Variants in ZFHX3 observed in about 807,000 individuals in gnomAD.
ZFHX3 encodes zinc finger homeobox protein 3.
ZFHX3 carries 42 observed loss-of-function variants against 279.1 expected under a neutral mutation model. The ratio of observed to expected loss-of-function variants is 0.15; its 90% confidence interval spans 0.12 to 0.19. ZFHX3 has a LOEUF of 0.19. ZFHX3 is among the 10% of genes least tolerant of loss of function. The pLI, the probability that ZFHX3 is intolerant of heterozygous loss-of-function variation, is 1.00. For missense variants in ZFHX3, 4,981 were observed against 4,754.0 expected (o/e 1.05, Z -1.40); for synonymous variants, 2,293 against 1,957.8 (o/e 1.17, Z -4.52).
At chr16:73,281,720 A>T (rs534560155) in intron 4 of ZFHX3, among the ~76,000 whole-genome samples, 48 of 151,480 alleles carry the variant, frequency 3.2e-4, no homozygotes, top group African/African-American at 1.2e-3. Context: ...GGTTTCATGG[A>T]TGTTTATTTA....
intron 2 of ZFHX3, among the ~76,000 whole-genome samples, chr16:73,600,698 G>A (rs959459654): frequency 6.6e-6 from 1 of 152,132 alleles, no homozygotes; most frequent in South Asian, 2.1e-4. Context: ...AGGATTACAG[G>A]CGTGAGCCAC....
chr16:73,081,982 G>A (rs921027185), intron 8 of ZFHX3, among the ~76,000 whole-genome samples: 3 of 151,772 alleles, frequency 2.0e-5, no homozygotes, highest in Non-Finnish European at 4.4e-5. Flanking sequence ...GACTACAGGT[G>A]TGTACCACCA....
intron 7 of ZFHX3, among the ~76,000 whole-genome samples, chr16:73,101,392 CT>C (rs1966228761): frequency 6.6e-6 from 1 of 152,010 alleles, no homozygotes; most frequent in Non-Finnish European, 1.5e-5. Context: ...TATTGCTCCC[CT>C]TTTGAGATGG....
chr16:73,615,506 C>G (rs903037855), intron 2 of ZFHX3, among the ~76,000 whole-genome samples: 49 of 152,158 alleles, frequency 3.2e-4, no homozygotes, highest in African/African-American at 1.2e-3. Flanking sequence ...CTAGCAAAAT[C>G]CTTTTGTAAG....
chr16:73,530,646 CA>C (rs2019783461), intron 2 of ZFHX3, among the ~76,000 whole-genome samples: 1 of 152,134 alleles, frequency 6.6e-6, no homozygotes, highest in East Asian at 1.9e-4. Context: ...ACCCTATCAA[CA>C]TTCCTCAATT....
At chr16:72,940,429 A>T (rs1443884396) in intron 3 of ZFHX3, among the ~76,000 whole-genome samples, 2 of 152,146 alleles carry the variant, frequency 1.3e-5, no homozygotes, top group East Asian at 3.9e-4. Context: ...GGAGGAGAAG[A>T]AGTCAGGGTA....
Position 73,485,824 on chromosome 16 carries a change from C to T in ZFHX3, c.-1546-29566G>A, listed in dbSNP as rs1330039803. On this transcript the variant is annotated intron_variant, in intron 2 of 17. Transcript: ENST00000641206. The stretch of plus-strand genomic sequence containing the variant: ...CTGCTTAGATACTACTTCCCCCACA[C>T]AGCCTTCCAGCCTTGTCTGACTTTC... 2.6e-5 allele frequency among the ~76,000 whole-genome samples: 4 copies of T among 152,232 alleles called. No homozygotes were observed. In the East Asian group the frequency reaches 7.7e-4, roughly 29 times the overall value.
chr16:73,539,463 A>G (rs1329028304), intron 2 of ZFHX3, among the ~76,000 whole-genome samples: 2 of 10,166 alleles, frequency 2.0e-4, no homozygotes, highest in Non-Finnish European at 5.4e-4. Context: ...TTTTTTTTTT[A>G]TAAGGCCTCT....
chr16:73,205,382 T>G (rs1348870087), intron 5 of ZFHX3, among the ~76,000 whole-genome samples: 1 of 152,204 alleles, frequency 6.6e-6, no homozygotes, highest in African/African-American at 2.4e-5. Context: ...ACAAGACTGA[T>G]TGTATTTACT....
chr16:73,857,933 C>T (rs1382125133), intron 1 of ZFHX3, among the ~76,000 whole-genome samples: 2 of 151,914 alleles, frequency 1.3e-5, no homozygotes, highest in African/African-American at 4.8e-5. Context: ...ATGGTGAAAC[C>T]GAAGATACAA....
At chr16:73,096,516 C>T (rs1245677548) in intron 7 of ZFHX3, among the ~76,000 whole-genome samples, 1 of 151,528 alleles carries the variant, frequency 6.6e-6, no homozygotes, top group African/African-American at 2.4e-5. Context: ...GATTCTTGTA[C>T]TTCAGCCTCC....
chr16:73,055,681 CG>C (rs1965532970), intron 1 of ZFHX3, among the ~76,000 whole-genome samples: 55 of 98,910 alleles, frequency 5.6e-4, no homozygotes, highest in South Asian at 1.9e-3. Context: ...CAGACGTACG[CG>C]CGCGCGCGCG....
chr16:73,344,478 T>C (rs1028180627), intron 3 of ZFHX3, among the ~76,000 whole-genome samples: 4 of 152,212 alleles, frequency 2.6e-5, no homozygotes, highest in East Asian at 1.9e-4. Context: ...TAAAGCACAT[T>C]CTTGGAAGGA....
intron 2 of ZFHX3, among the ~76,000 whole-genome samples, chr16:73,647,529 A>G (rs61596920): frequency 0.02 from 2,994 of 152,248 alleles, 94 homozygotes; most frequent in African/African-American, 0.068. Context: ...ATGATTGTTA[A>G]GTTTCCTGAG....
At chr16:73,157,105 T>C (rs1967106715) in intron 5 of ZFHX3, among the ~76,000 whole-genome samples, 1 of 152,152 alleles carries the variant, frequency 6.6e-6, no homozygotes, top group Non-Finnish European at 1.5e-5. Flanking sequence ...CAGATGTGCC[T>C]GCCTCTGAAG....
intron 5 of ZFHX3, among the ~76,000 whole-genome samples, chr16:73,247,895 TATG>T (rs1882694947): frequency 6.6e-6 from 1 of 152,130 alleles, no homozygotes; most frequent in African/African-American, 2.4e-5. Flanking sequence ...ATACTGTGTA[TATG>T]ATGTGTCTGT....
At chr16:73,046,745 A>G (rs961690211) in intron 1 of ZFHX3, among the ~76,000 whole-genome samples, 5 of 152,170 alleles carry the variant, frequency 3.3e-5, no homozygotes, top group Non-Finnish European at 7.3e-5. Context: ...CTCACAATCT[A>G]CCTTCAAGGC....
Position 72,797,483 on chromosome 16 carries a change from T to TTGTTGCTGTTGCTGC in ZFHX3, c.5184_5198dup (p.Gln1737_Gln1741dup). 1 of 1,597,382 alleles carries TTGTTGCTGTTGCTGC rather than the reference T, an allele frequency of 6.3e-7. No homozygotes were observed. Among genetic ancestry groups the TTGTTGCTGTTGCTGC allele is most frequent in the Non-Finnish European group, 8.5e-7 (1 of 1,172,438 alleles). ...CTTGTTGTTGTTGTTGTTGTTGTTG[T>TTGTTGCTGTTGCTGC]TGTTGCTGTTGCTGCTGCTGTTGTT... is the stretch of plus-strand genomic sequence containing the variant. On this transcript the variant is annotated inframe_insertion, in exon 9 of 10. Coordinates refer to ENST00000268489, the MANE Select transcript of ZFHX3 (RefSeq NM_006885.4).
chr16:72,960,939 C>T (rs577254897), intron 1 of ZFHX3, among the ~76,000 whole-genome samples: 90 of 152,202 alleles, frequency 5.9e-4, no homozygotes, highest in Non-Finnish European at 1.2e-3. Flanking sequence ...CTAATCTCAC[C>T]ACCATGAAAC....
Sources: allele counts gnomAD v4.1 joint callset (sites outside exome capture counted in the v4.1 genomes callset), GRCh38; gene constraint gnomAD v4.1.1; transcripts MANE v1.5; gene names NCBI Gene and HGNC (gene_info 2026-07-23, HGNC 2026-07-21).